The following ZFAND3 variants were observed in gnomAD, a reference collection of about 807,000 sequenced individuals.
ZFAND3 encodes the protein zinc finger AN1-type containing 3.
A neutral mutation model predicts 29.6 loss-of-function variants in ZFAND3; 10 were observed. That is an observed-to-expected ratio of 0.34 (90% CI 0.21 to 0.57). The LOEUF (loss-of-function observed/expected upper bound fraction) is 0.57. Among genes scored for constraint, ZFAND3 ranks in the 20% least tolerant of loss-of-function variants. The pLI is 0.86. For missense variants in ZFAND3, 230 were observed against 304.5 expected, an observed-to-expected ratio of 0.76 and a Z score of 1.82; for synonymous variants, 128 against 112.6, an observed-to-expected ratio of 1.14 and a Z score of -0.87.
chr6:38,098,581 A>G (rs552528373), intron 4 of ZFAND3, among the ~76,000 whole-genome samples: 2 of 151,746 alleles, frequency 1.3e-5, no homozygotes, highest in East Asian at 1.9e-4. Flanking sequence ...GCTCACTGCA[A>G]CCTCTGCCTC....
chr6:38,005,561 C>T (rs1163954080), intron 2 of ZFAND3, among the ~76,000 whole-genome samples: 2 of 152,194 alleles, frequency 1.3e-5, no homozygotes, highest in Non-Finnish European at 2.9e-5. Context: ...ATCCTTCCCT[C>T]TCTGTTTTGA....
intron 5 of ZFAND3, among the ~76,000 whole-genome samples, chr6:38,123,287 A>G (rs1173163065): frequency 6.6e-6 from 1 of 152,214 alleles, no homozygotes; most frequent in Non-Finnish European, 1.5e-5. Flanking sequence ...AGCTGCAGTG[A>G]TTAGGACACA....
At chr6:38,020,848 G>C (rs1176839264) in intron 2 of ZFAND3, among the ~76,000 whole-genome samples, 1 of 152,130 alleles carries the variant, frequency 6.6e-6, no homozygotes, top group Admixed American at 6.5e-5. Flanking sequence ...GCTGTCAGCA[G>C]GTTTACATAG....
chr6:38,108,545 G>A (rs571349700), intron 4 of ZFAND3, among the ~76,000 whole-genome samples: 2 of 152,308 alleles, frequency 1.3e-5, no homozygotes, highest in Non-Finnish European at 2.9e-5. Context: ...AGAATCTGGA[G>A]TCTGATGTCC....
At chr6:37,899,975 T>C (rs1160636531) in intron 1 of ZFAND3, among the ~76,000 whole-genome samples, 1 of 152,216 alleles carries the variant, frequency 6.6e-6, no homozygotes, top group Non-Finnish European at 1.5e-5. Flanking sequence ...TTTTATTGAT[T>C]GTTTTATAAC....
chr6:37,941,256 A>G (rs1203137770), intron 2 of ZFAND3, among the ~76,000 whole-genome samples: 1 of 152,242 alleles, frequency 6.6e-6, no homozygotes, highest in Non-Finnish European at 1.5e-5. Context: ...CTTAGATGGA[A>G]TTGTACTGTG....
At chr6:37,871,094 T>G (rs1764688002) in intron 1 of ZFAND3, among the ~76,000 whole-genome samples, 1 of 152,232 alleles carries the variant, frequency 6.6e-6, no homozygotes, top group African/African-American at 2.4e-5. Flanking sequence ...TTAGTTCTGA[T>G]TATAGAATTC....
intron 1 of ZFAND3, among the ~76,000 whole-genome samples, chr6:37,824,357 G>A (rs1763721205): frequency 6.6e-6 from 1 of 152,202 alleles, no homozygotes; most frequent in Non-Finnish European, 1.5e-5. Flanking sequence ...CATTTAAAAA[G>A]TGCTGAGGTG....
chr6:37,843,756 T>C (rs891545635), intron 1 of ZFAND3, among the ~76,000 whole-genome samples: 1 of 152,126 alleles, frequency 6.6e-6, no homozygotes, highest in Admixed American at 6.5e-5. Context: ...TTTTCTTTTC[T>C]AGCTGAGACA....
At position 38,116,854 on chromosome 6, in the gene ZFAND3, T is replaced by C. The variant is rs1581931773; in HGVS notation, c.529+115T>C. 4.5e-6 allele frequency: 6 copies of C among 1,341,818 alleles called. No individual in the cohort carries two copies. In the East Asian group the frequency reaches 1.2e-4, roughly 27 times the overall value. 83.1% of individuals were successfully genotyped at this position (1,341,818 alleles called of 1,614,324 possible). On this transcript the variant is annotated intron_variant, in intron 5 of 5. Transcript: ENST00000287218. ...CTTCTTCTGAGTACTGTAAGTTTGC[T>C]ACAGTAGTGCATGCGATATAGGTTT...
chr6:37,912,193 C>T (rs1765536038), intron 1 of ZFAND3, among the ~76,000 whole-genome samples: 1 of 151,998 alleles, frequency 6.6e-6, no homozygotes, highest in South Asian at 2.1e-4. Context: ...CAGTCCCCAG[C>T]ACTGAGGAGG....
chr6:37,908,227 T>G (rs1404562104), intron 1 of ZFAND3, among the ~76,000 whole-genome samples: 1 of 152,230 alleles, frequency 6.6e-6, no homozygotes, highest in Non-Finnish European at 1.5e-5. Context: ...TGTTTTAGGT[T>G]AAACATTTTG....
chr6:38,153,902 C>G lies in ZFAND3; in HGVS notation c.*1513C>G, dbSNP rs1055061343. Reference sequence around the variant, plus strand: ...TGGAATAGTTTAACCCAGCAACTTTCCTTTTTATAAAACAACAAATGGTTC... The same window carrying G: ...TGGAATAGTTTAACCCAGCAACTTTGCTTTTTATAAAACAACAAATGGTTC... On this transcript the variant is annotated 3_prime_UTR_variant, in exon 6 of 6. Coordinates refer to ENST00000287218, the MANE Select transcript of ZFAND3 (RefSeq NM_021943.3). The G allele has an allele frequency of 2.2e-5, 22 of 985,386 alleles. No homozygotes were observed. Among genetic ancestry groups the G allele is most frequent in the Non-Finnish European group, 2.5e-5 (21 of 829,956 alleles). 61.0% of individuals were successfully genotyped at this position (985,386 alleles called of 1,614,324 possible).
At chr6:37,967,735 A>C (rs1762317446) in intron 2 of ZFAND3, among the ~76,000 whole-genome samples, 1 of 152,146 alleles carries the variant, frequency 6.6e-6, no homozygotes, top group South Asian at 2.1e-4. Flanking sequence ...TCCTTGATAC[A>C]CATGCTAAAT....
At chr6:38,137,605 G>A (rs557318544) in intron 5 of ZFAND3, among the ~76,000 whole-genome samples, 78 of 152,292 alleles carry the variant, frequency 5.1e-4, no homozygotes, top group African/African-American at 1.6e-3. Context: ...GTAAGCAAGG[G>A]AACAGATAAA....
At chr6:38,132,234 GGGTGCGGT>G (rs1765756174) in intron 5 of ZFAND3, among the ~76,000 whole-genome samples, 1 of 152,176 alleles carries the variant, frequency 6.6e-6, no homozygotes, top group Admixed American at 6.5e-5. Flanking sequence ...TCTGTGGGCT[GGGTGCGGT>G]GGCTCACACC....
intron 3 of ZFAND3, among the ~76,000 whole-genome samples, chr6:38,079,572 T>G (rs62396981): frequency 6.6e-6 from 1 of 152,218 alleles, no homozygotes. Context: ...CAGATTTCTT[T>G]AGGGATTTTG....
chr6:37,859,546 G>T (rs1764442806), intron 1 of ZFAND3, among the ~76,000 whole-genome samples: 1 of 152,044 alleles, frequency 6.6e-6, no homozygotes, highest in Non-Finnish European at 1.5e-5. Context: ...TGATCTTATG[G>T]TCTATTTTCA....
At chr6:37,962,817 A>G (rs989052295) in intron 2 of ZFAND3, among the ~76,000 whole-genome samples, 1 of 152,168 alleles carries the variant, frequency 6.6e-6, no homozygotes, top group African/African-American at 2.4e-5. Flanking sequence ...GCTCTTCACA[A>G]TAAATCTTGC....
Sources: allele counts gnomAD v4.1 joint callset (sites outside exome capture counted in the v4.1 genomes callset), GRCh38; gene constraint gnomAD v4.1.1; transcripts MANE v1.5; gene names NCBI Gene and HGNC (gene_info 2026-07-23, HGNC 2026-07-21).